The following FAM83F variants were observed in gnomAD, a reference collection of about 807,000 sequenced individuals.
The protein encoded by FAM83F is protein FAM83F.
FAM83F carries 45 observed loss-of-function variants against 42.9 expected under a neutral mutation model. The ratio of observed to expected loss-of-function variants is 1.05; its 90% CI spans 0.83 to 1.35. The LOEUF (loss-of-function observed/expected upper bound fraction) is 1.35, where lower values mean the gene tolerates loss of function less well. FAM83F is among the 40% of genes most tolerant of loss of function. The probability of loss-of-function intolerance (pLI) is 0.00; values close to 1 mark genes in which losing one functional copy is unlikely to be tolerated. For missense variants in FAM83F, 617 were observed against 695.9 expected (o/e 0.89, Z 1.28); for synonymous variants, 306 against 298.3 (o/e 1.03, Z -0.27).
rs2067625285 is a variant in FAM83F at position 40,036,582 on chromosome 22, G to T, written c.*7017G>T. 6.6e-6 allele frequency: 1 copy of T among 152,258 alleles called. No homozygotes were observed. The allele number at this position is 152,258 out of a possible 1,614,324, so 9.4% of individuals were successfully genotyped here. On this transcript the variant is annotated 3_prime_UTR_variant, in exon 5 of 5. Coordinates refer to ENST00000333407, the MANE Select transcript of FAM83F (RefSeq NM_138435.4). ...AACCTAAATCAAAGAAACAGAGCAT[G>T]TCCGGAGAAGTCTGCCAACCCTTCT...
intron 1 of FAM83F, among the ~76,000 whole-genome samples, chr22:40,001,021 A>G (rs981958733): frequency 3.9e-5 from 6 of 152,196 alleles, no homozygotes; most frequent in African/African-American, 1.4e-4. Flanking sequence ...ATAATGGCAC[A>G]GCTGCAGCTC....
In FAM83F at chr22:40,009,216, A is replaced by T. The variant is rs537735164; in HGVS notation, c.490-9952A>T. Among the ~76,000 whole-genome samples the T allele has an allele frequency of 1.9e-4, 29 of 152,080 alleles. No individual in the cohort carries two copies. The South Asian group carries it at 6.0e-3, about 32-fold the overall frequency. On this transcript the variant is annotated intron_variant, in intron 1 of 4. Coordinates refer to ENST00000333407, the MANE Select transcript of FAM83F (RefSeq NM_138435.4). ...AGGTAATCAGTGGGAAAGTGTCCCT[A>T]GCTGCTTCCCTTCCTTCCCCAGGAT...
chr22:40,022,129 T>C (rs2067526972), intron 4 of FAM83F, among the ~76,000 whole-genome samples, 166 bp downstream of exon 4: 1 of 152,216 alleles, frequency 6.6e-6, no homozygotes, highest in Non-Finnish European at 1.5e-5. Context: ...GTTCCCATTC[T>C]GGCCCCGGCC....
chr22:40,041,025 C>G lies in FAM83F; in HGVS notation c.*11460C>G, dbSNP rs1239322731. ...AATTCCCATTGCCTTGGAATTTGTC[C>G]AAGCCGAGGGCAGGGATCACAACAC... On this transcript the variant is annotated 3_prime_UTR_variant, in exon 5 of 5. Coordinates refer to ENST00000333407, the MANE Select transcript of FAM83F (RefSeq NM_138435.4). 1 of 152,118 alleles carries G rather than the reference C, an allele frequency of 6.6e-6. No individual in the cohort carries two copies. 9.4% of individuals were successfully genotyped at this position (152,118 alleles called of 1,614,324 possible). A position where few individuals can be genotyped will look rare whatever the true frequency, so the allele number is the denominator to read the frequency against.
chr22:39,995,542 G>A lies in FAM83F; in HGVS notation c.489+11G>A, dbSNP rs1232718772. 2 of 1,543,206 alleles carry A rather than the reference G, an allele frequency of 1.3e-6. No homozygotes were observed. The highest frequency in any genetic ancestry group is 1.4e-5 in the African/African-American group (1 of 73,132). On this transcript the variant is annotated intron_variant, in intron 1 of 4. Coordinates refer to ENST00000333407, the MANE Select transcript of FAM83F (RefSeq NM_138435.4). The surrounding 1 kb of genome is among the most constrained non-coding windows in gnomAD (Gnocchi z 4.6). ...CAACAGGCCCAGAAGGTAGGCCCCC[G>A]CCTTCGCCCCCACACCGCTGGGACC...
chr22:40,005,239 T>C (rs760303640), intron 1 of FAM83F, among the ~76,000 whole-genome samples: 5 of 152,264 alleles, frequency 3.3e-5, no homozygotes, highest in Non-Finnish European at 7.3e-5. Context: ...GCTCTGTCCA[T>C]GTACTTGAGA....
intron 1 of FAM83F, among the ~76,000 whole-genome samples, chr22:40,013,616 A>T (rs1322655951): frequency 6.6e-6 from 1 of 152,172 alleles, no homozygotes; most frequent in Non-Finnish European, 1.5e-5. Flanking sequence ...TTCAAAATGG[A>T]TGTAGCTATT....
At chr22:40,018,384 T>C (rs564845785) in intron 1 of FAM83F, among the ~76,000 whole-genome samples, 2 of 152,160 alleles carry the variant, frequency 1.3e-5, no homozygotes, top group Non-Finnish European at 2.9e-5. Flanking sequence ...TTTTCTAGGG[T>C]GTCAGGAGCA....
chr22:40,007,172 T>C (rs2035973209), intron 1 of FAM83F, among the ~76,000 whole-genome samples: 1 of 149,314 alleles, frequency 6.7e-6, no homozygotes, highest in East Asian at 2.1e-4. Flanking sequence ...GGGTGCTCTG[T>C]GGGGGTCTTG....
At chr22:40,010,502 A>T (rs1355831054) in intron 1 of FAM83F, among the ~76,000 whole-genome samples, 1 of 152,196 alleles carries the variant, frequency 6.6e-6, no homozygotes, top group Non-Finnish European at 1.5e-5. Flanking sequence ...GCTGGCTCGC[A>T]TCAGGGCGTC....
At chr22:39,996,020 T>C (rs1378318523) in intron 1 of FAM83F, among the ~76,000 whole-genome samples, 1 of 152,150 alleles carries the variant, frequency 6.6e-6, no homozygotes, top group Non-Finnish European at 1.5e-5. Context: ...TCTCCTCCCA[T>C]AGTCAAAGCT....
chr22:40,035,731 C>G lies in FAM83F; in HGVS notation c.*6166C>G, dbSNP rs949314683. 7 of 152,238 alleles carry G rather than the reference C, an allele frequency of 4.6e-5. No individual in the cohort carries two copies. Among genetic ancestry groups the G allele is most frequent in the African/African-American group, 1.7e-4 (7 of 41,446 alleles). 9.4% of individuals were successfully genotyped at this position (152,238 alleles called of 1,614,324 possible). A position where few individuals can be genotyped will look rare whatever the true frequency, so the allele number is the denominator to read the frequency against. The stretch of plus-strand genomic sequence containing the variant: ...AAGCAATTTCACATCCCCGAACTTT[C>G]CTGTTTCCTCATGTGTCAAATGGGG... On this transcript the variant is annotated 3_prime_UTR_variant, in exon 5 of 5. Transcript: ENST00000333407.
At chr22:40,015,640 C>CTGCTCAA (rs931013418) in intron 1 of FAM83F, among the ~76,000 whole-genome samples, 6 of 152,178 alleles carry the variant, frequency 3.9e-5, no homozygotes, top group African/African-American at 1.4e-4. Flanking sequence ...GACAACCTCC[C>CTGCTCAA]TGCTCAATTT....
intron 1 of FAM83F, among the ~76,000 whole-genome samples, chr22:40,011,465 A>C (rs1237784665): frequency 2.0e-5 from 3 of 152,122 alleles, no homozygotes; most frequent in African/African-American, 4.8e-5. Flanking sequence ...TAGTTTATCT[A>C]TCAGTGCTCC....
At chr22:40,007,708 C>T (rs1308242642) in intron 1 of FAM83F, among the ~76,000 whole-genome samples, 1 of 148,698 alleles carries the variant, frequency 6.7e-6, no homozygotes, top group Non-Finnish European at 1.5e-5. Flanking sequence ...ATTTCCTCTC[C>T]TCTCTTCCTC....
At chr22:40,008,296 A>G (rs770798115) in intron 1 of FAM83F, among the ~76,000 whole-genome samples, 2 of 152,188 alleles carry the variant, frequency 1.3e-5, no homozygotes, top group African/African-American at 2.4e-5. Flanking sequence ...CGGGCCCCCC[A>G]TGGGCTGTCT....
At chr22:40,016,274 C>A (rs1003955983) in intron 1 of FAM83F, among the ~76,000 whole-genome samples, 2 of 152,138 alleles carry the variant, frequency 1.3e-5, no homozygotes, top group Admixed American at 1.3e-4. Flanking sequence ...GCTATCATGG[C>A]TCACTGCAGC....
At chr22:40,025,240 C>T (rs908663989) in intron 4 of FAM83F, among the ~76,000 whole-genome samples, 5 of 151,996 alleles carry the variant, frequency 3.3e-5, no homozygotes, top group African/African-American at 1.2e-4. Context: ...GGCAACATAG[C>T]AAGTCCCCAT....
chr22:40,005,966 G>A (rs746461772), intron 1 of FAM83F, among the ~76,000 whole-genome samples: 3 of 152,234 alleles, frequency 2.0e-5, no homozygotes, highest in African/African-American at 4.8e-5. Context: ...GTAGCCGGGC[G>A]CGGTGGCTCA....
Sources: gnomAD v4.1 joint callset for allele counts (sites outside exome capture counted in the v4.1 genomes callset) on GRCh38, gnomAD v4.1.1 for gene constraint, Gnocchi (gnomAD v3.1) non-coding constraint, MANE v1.5 for transcripts, NCBI Gene and HGNC (gene_info 2026-07-23, HGNC 2026-07-21) for gene names.